The following ADRA1A variants were observed in gnomAD, a reference collection of about 807,000 sequenced individuals.
ADRA1A encodes adrenoceptor alpha 1A.
Under a neutral mutation model 29.6 loss-of-function variants are expected in ADRA1A, and 31 were observed. The ratio of observed to expected loss-of-function variants is 1.05; its 90% confidence interval spans 0.79 to 1.41. ADRA1A has a LOEUF of 1.41. Ranked by LOEUF, ADRA1A falls within the 40% of genes most tolerant of loss-of-function variation. The pLI is 0.00. For synonymous variants in ADRA1A, 311 were observed against 254.3 expected (o/e 1.22, Z -2.12); for missense variants, 619 against 601.1 (o/e 1.03, Z -0.31).
chr8:26,806,105 A>G lies in ADRA1A; in HGVS notation c.884-35439T>C, dbSNP rs1335676688. The stretch of plus-strand genomic sequence containing the variant: ...TGTGGCAGCTTTACCTAATGACCGA[A>G]CTCCCGAATGTTCCCATTCTGTCCT... On this transcript the variant is annotated intron_variant, in intron 2 of 2. Transcript: ENST00000380573. The surrounding 1 kb of genome is among the most constrained non-coding windows in gnomAD (Gnocchi z 4.6). Among the ~76,000 whole-genome samples the G allele has an allele frequency of 2.6e-5, 4 of 151,708 alleles. No homozygotes were observed. Among genetic ancestry groups the G allele is most frequent in the African/African-American group, 4.8e-5 (2 of 41,258 alleles).
chr8:26,762,644 A>G (rs965904493), downstream of ADRA1A, among the ~76,000 whole-genome samples: 2 of 152,098 alleles, frequency 1.3e-5, no homozygotes, highest in Non-Finnish European at 2.9e-5. The surrounding 1 kb of genome is among the most constrained non-coding windows in gnomAD (Gnocchi z 4.0). Context: ...CAGGACCAAG[A>G]CCAAACAGGG....
chr8:26,754,343 C>T (rs1805054165), downstream of ADRA1A, among the ~76,000 whole-genome samples: 1 of 152,074 alleles, frequency 6.6e-6, no homozygotes, highest in Admixed American at 6.6e-5. Flanking sequence ...ATACCAAACT[C>T]TCAGCACGAT....
At chr8:26,758,754 G>A (rs1236399630) in intron 2 of ADRA1A, among the ~76,000 whole-genome samples, 2 of 152,212 alleles carry the variant, frequency 1.3e-5, no homozygotes, top group Non-Finnish European at 2.9e-5. Context: ...CGTTTAGCAA[G>A]CTAAGAGGTG....
At chr8:26,774,667 TA>T (rs778840683) in intron 2 of ADRA1A, among the ~76,000 whole-genome samples, 2,845 of 130,980 alleles carry the variant, frequency 0.022, 54 homozygotes, top group African/African-American at 0.059. Flanking sequence ...AACCCCTGTC[TA>T]AAAAAAAAAA....
chr8:26,842,450 CTT>C (rs1811886150), intron 2 of ADRA1A, among the ~76,000 whole-genome samples: 1 of 152,126 alleles, frequency 6.6e-6, no homozygotes, highest in Non-Finnish European at 1.5e-5. Flanking sequence ...TCAAAAGCCT[CTT>C]TTATTAATTC....
rs1713905679 is a variant in ADRA1A, at chr8:26,769,198, G to A, written c.*951C>T. ...TTTTCATAACAGAGTTCTGGAACAG[G>A]TAAGTGATTTGTCAAGAAAGGCTTT... On this transcript the variant is annotated 3_prime_UTR_variant, in exon 3 of 3. Coordinates refer to ENST00000380573, the MANE Select transcript of ADRA1A (RefSeq NM_000680.4). The A allele has an allele frequency of 2.1e-5, 21 of 985,376 alleles. No individual in the cohort carries two copies. The highest frequency in any genetic ancestry group is 2.5e-5 in the Non-Finnish European group (21 of 829,884). The allele number at this position is 985,376 out of a possible 1,614,324, so 61.0% of individuals were successfully genotyped here.
At chr8:26,812,086 T>A (rs545170567) in intron 2 of ADRA1A, among the ~76,000 whole-genome samples, 15 of 152,362 alleles carry the variant, frequency 9.8e-5, no homozygotes, top group African/African-American at 3.4e-4. Context: ...ATAAATTATA[T>A]GTTTTCTAGC....
At chr8:26,802,012 G>A (rs1808618405) in intron 2 of ADRA1A, among the ~76,000 whole-genome samples, 1 of 152,168 alleles carries the variant, frequency 6.6e-6, no homozygotes, top group Non-Finnish European at 1.5e-5. Flanking sequence ...TCTCGTCAGT[G>A]AATGGTGCTG....
chr8:26,832,673 G>A (rs193112527), intron 2 of ADRA1A, among the ~76,000 whole-genome samples: 2 of 152,242 alleles, frequency 1.3e-5, no homozygotes, highest in East Asian at 3.9e-4. Context: ...GATTGTCTAG[G>A]GCAGGGAAGT....
intron 2 of ADRA1A, 118 bp from the exon 3 acceptor site, chr8:26,770,784 A>C: frequency 7.2e-7 from 1 of 1,380,682 alleles, no homozygotes. Flanking sequence ...GATCCCAAAC[A>C]CATATGAGTT....
At chr8:26,827,430 A>C (rs1336178506) in intron 2 of ADRA1A, among the ~76,000 whole-genome samples, 1 of 152,176 alleles carries the variant, frequency 6.6e-6, no homozygotes, top group Non-Finnish European at 1.5e-5. Flanking sequence ...GATGTCCTAA[A>C]CTAGCTGGCA....
At chr8:26,776,214 C>T (rs1399167099) in intron 2 of ADRA1A, among the ~76,000 whole-genome samples, 1 of 152,186 alleles carries the variant, frequency 6.6e-6, no homozygotes, top group Non-Finnish European at 1.5e-5. Context: ...GAACTGAGTT[C>T]TCGAATTCCT....
chr8:26,837,521 C>T (rs1004708572), intron 2 of ADRA1A, among the ~76,000 whole-genome samples: 1 of 151,972 alleles, frequency 6.6e-6, no homozygotes, highest in African/African-American at 2.4e-5. Context: ...TATGGTGGTG[C>T]ATGCCTATAA....
intron 2 of ADRA1A, among the ~76,000 whole-genome samples, chr8:26,795,453 C>T (rs1563258925): frequency 6.6e-6 from 1 of 151,580 alleles, no homozygotes; most frequent in Non-Finnish European, 1.5e-5. Context: ...AAGAACCAGG[C>T]GTTTATCCCA....
chr8:26,755,194 C>CTTTTT (rs34376542), downstream of ADRA1A, among the ~76,000 whole-genome samples: 1 of 145,570 alleles, frequency 6.9e-6, no homozygotes, highest in Non-Finnish European at 1.5e-5. Context: ...AATAGACCTC[C>CTTTTT]TTTTTTTTTT....
chr8:26,818,366 A>G (rs1373391099), intron 2 of ADRA1A, among the ~76,000 whole-genome samples: 9 of 152,316 alleles, frequency 5.9e-5, no homozygotes, highest in African/African-American at 1.4e-4. Context: ...AAAGAATTCC[A>G]TGGTATGTCA....
intron 2 of ADRA1A, among the ~76,000 whole-genome samples, chr8:26,788,677 T>G (rs1009264138): frequency 6.6e-6 from 1 of 152,140 alleles, no homozygotes; most frequent in Non-Finnish European, 1.5e-5. Flanking sequence ...AAAATGAGAC[T>G]CGGGGAGTTT....
In ADRA1A at chr8:26,760,339, A is replaced by T. The variant is rs142951782; in HGVS notation, c.1270-3560T>A. On this transcript the variant is annotated intron_variant, in intron 2 of 2. Coordinates refer to the ADRA1A transcript ENST00000380582. The stretch of plus-strand genomic sequence containing the variant: ...GCAGCAGGACCGTCTCATTGTGCTC[A>T]TGAAGGCTTAGGCTTTAAGAGTGGG... Among the ~76,000 whole-genome samples the T allele has an allele frequency of 5.0e-3, 766 of 152,310 alleles. 2 individuals are homozygous for T. Among genetic ancestry groups the T allele is most frequent in the Middle Eastern group, 0.01 (3 of 294 alleles).
chr8:26,769,696 C>T lies in ADRA1A; in HGVS notation c.*453G>A, dbSNP rs778657933. 141 of 987,392 alleles carry T rather than the reference C, an allele frequency of 1.4e-4. No homozygotes were observed. The highest frequency in any genetic ancestry group is 1.6e-4 in the Non-Finnish European group (132 of 831,506). 61.2% of individuals were successfully genotyped at this position (987,392 alleles called of 1,614,324 possible). ...CATCTTAATGCTCTTCCTCTCTAGG[C>T]CCTCTCCCCATAAATGTCAAATGTG... On this transcript the variant is annotated 3_prime_UTR_variant, in exon 3 of 3. Coordinates refer to ENST00000380573, the MANE Select transcript of ADRA1A (RefSeq NM_000680.4).
Sources: gnomAD v4.1 joint callset for allele counts (sites outside exome capture counted in the v4.1 genomes callset) on GRCh38, gnomAD v4.1.1 for gene constraint, Gnocchi (gnomAD v3.1) non-coding constraint, MANE v1.5 for transcripts, NCBI Gene and HGNC (gene_info 2026-07-23, HGNC 2026-07-21) for gene names.